Variants in ADAM23 observed in about 807,000 individuals in gnomAD.
ADAM23 encodes disintegrin and metalloproteinase domain-containing protein 23.
A neutral mutation model predicts 120.1 loss-of-function variants in ADAM23; 33 were observed. That is an observed-to-expected ratio of 0.27 (90% confidence interval 0.21 to 0.37). ADAM23 has a LOEUF of 0.37. Ranked by LOEUF, ADAM23 falls within the 10% of genes least tolerant of loss-of-function variation. ADAM23 has a pLI of 1.00. For synonymous variants in ADAM23, 367 were observed against 375.2 expected (o/e 0.98, Z 0.25); for missense variants, 862 against 1,058.2 (o/e 0.81, Z 2.57).
chr2:206,483,789 A>G (rs139184563), intron 3 of ADAM23, among the ~76,000 whole-genome samples: 15 of 152,300 alleles, frequency 9.8e-5, no homozygotes, highest in African/African-American at 1.7e-4. Context: ...AGCAGTTTCA[A>G]TGAAACTCTG....
intron 3 of ADAM23, among the ~76,000 whole-genome samples, chr2:206,483,670 C>G (rs916831731): frequency 1.3e-5 from 2 of 152,158 alleles, no homozygotes; most frequent in Admixed American, 6.5e-5. Context: ...ACAGTGTCAT[C>G]TGCAGTAGAG....
chr2:206,497,959 G>C (rs1325689624), intron 3 of ADAM23, among the ~76,000 whole-genome samples: 11 of 151,790 alleles, frequency 7.2e-5, no homozygotes, highest in South Asian at 2.1e-4. Context: ...ATGTGAAGGA[G>C]CTCTTCAAGA....
chr2:206,468,598 A>G (rs986234125), intron 2 of ADAM23, among the ~76,000 whole-genome samples: 1 of 152,176 alleles, frequency 6.6e-6, no homozygotes, highest in African/African-American at 2.4e-5. Flanking sequence ...ACTAGTCTCT[A>G]GGAAGTTCCA....
chr2:206,448,106 T>G (rs1346389970), intron 2 of ADAM23, among the ~76,000 whole-genome samples: 2 of 152,236 alleles, frequency 1.3e-5, no homozygotes, highest in Non-Finnish European at 2.9e-5. Context: ...AAATCTTTTT[T>G]ATCTGCATAG....
At chr2:206,539,762 A>G (rs1018929223) in intron 4 of ADAM23, among the ~76,000 whole-genome samples, 10 of 152,304 alleles carry the variant, frequency 6.6e-5, no homozygotes, top group Non-Finnish European at 1.3e-4. Context: ...TATATGAGAT[A>G]ACTCAAGATC....
At chr2:206,543,338 C>T in intron 6 of ADAM23, 22 bp downstream of exon 6, 1 of 1,590,778 alleles carries the variant, frequency 6.3e-7, no homozygotes, top group Non-Finnish European at 8.6e-7. Flanking sequence ...CCATCAGTTG[C>T]CTGATGGCGT....
Position 206,558,076 on chromosome 2 carries a change from G to A in ADAM23, c.1005+578G>A, listed in dbSNP as rs571887551. On this transcript the variant is annotated intron_variant, in intron 10 of 25. Transcript: ENST00000264377. Reference sequence around the variant, plus strand: ...TATCTCCTTACAAAGACTTCTAACTGTACAAATCTTCAATATTGATATGTT... The same window carrying A: ...TATCTCCTTACAAAGACTTCTAACTATACAAATCTTCAATATTGATATGTT... Among the ~76,000 whole-genome samples, 6 of 152,232 alleles carry A rather than the reference G, an allele frequency of 3.9e-5. No homozygotes were observed. The South Asian group carries it at 6.2e-4, about 16-fold the overall frequency.
In ADAM23 at chr2:206,619,473, G is replaced by A. The variant is rs117325639; in HGVS notation, c.*1846G>A. 2.6e-5 allele frequency: 4 copies of A among 151,646 alleles called. No homozygotes were observed. In the East Asian group the frequency reaches 7.8e-4, roughly 29 times the overall value. 9.4% of individuals were successfully genotyped at this position (151,646 alleles called of 1,614,324 possible). A position where few individuals can be genotyped will look rare whatever the true frequency, so the allele number is the denominator to read the frequency against. ...AGCATCCCTCTATAGATGGGCTTTA[G>A]TAAAGACTGTCCCAAAGAGCCCCTA... On this transcript the variant is annotated 3_prime_UTR_variant, in exon 26 of 26. Transcript: ENST00000264377.
chr2:206,580,489 T>G (rs1698201595), intron 18 of ADAM23, among the ~76,000 whole-genome samples: 1 of 152,186 alleles, frequency 6.6e-6, no homozygotes, highest in Middle Eastern at 3.2e-3. Context: ...TGATTTTTGT[T>G]TTTAATTCTG....
At chr2:206,573,454 T>G (rs188819009) in intron 18 of ADAM23, among the ~76,000 whole-genome samples, 12 of 152,302 alleles carry the variant, frequency 7.9e-5, no homozygotes, top group Admixed American at 5.2e-4. Flanking sequence ...TAAACAAAGT[T>G]TCTGTACATT....
At chr2:206,466,552 GA>G (rs1695545753) in intron 2 of ADAM23, among the ~76,000 whole-genome samples, 1 of 152,042 alleles carries the variant, frequency 6.6e-6, no homozygotes, top group Admixed American at 6.6e-5. Context: ...CATTTACTAG[GA>G]TTTTTTTATC....
At chr2:206,571,195 G>C (rs1697988338) in intron 16 of ADAM23, among the ~76,000 whole-genome samples, 1 of 152,220 alleles carries the variant, frequency 6.6e-6, no homozygotes, top group Admixed American at 6.5e-5. Context: ...AGCTTTCTCG[G>C]CCGGGCGCGG....
chr2:206,474,180 C>G (rs892547421), intron 2 of ADAM23, among the ~76,000 whole-genome samples: 1 of 152,062 alleles, frequency 6.6e-6, no homozygotes, highest in Admixed American at 6.5e-5. Flanking sequence ...TATTTTTCTC[C>G]TTCAAACTAC....
At chr2:206,513,015 T>A (rs1696657392) in intron 3 of ADAM23, among the ~76,000 whole-genome samples, 1 of 152,208 alleles carries the variant, frequency 6.6e-6, no homozygotes, top group Non-Finnish European at 1.5e-5. Flanking sequence ...GATAAATGTG[T>A]ATGTCCTGGC....
At chr2:206,537,500 C>T (rs954509712) in intron 4 of ADAM23, among the ~76,000 whole-genome samples, 1 of 152,146 alleles carries the variant, frequency 6.6e-6, no homozygotes, top group Non-Finnish European at 1.5e-5. Context: ...TATTTTCAGA[C>T]ACACGGGTCT....
chr2:206,543,137 G>A, intron 5 of ADAM23, 116 bp from the exon 6 acceptor site: 1 of 864,730 alleles, frequency 1.2e-6, no homozygotes, highest in Admixed American at 2.1e-5. Context: ...CAGTGTAAAG[G>A]GATTTGTTCA....
At chr2:206,587,259 T>G (rs1698340481) in intron 18 of ADAM23, 66 bp from the exon 19 acceptor site, 2 of 1,184,076 alleles carry the variant, frequency 1.7e-6, no homozygotes, top group African/African-American at 1.5e-5. Context: ...GCATTATATA[T>G]AGTATGTACA....
At chr2:206,557,395 T>G (rs536109571) in intron 9 of ADAM23, 32 bp from the exon 10 acceptor site, 1 of 1,523,664 alleles carries the variant, frequency 6.6e-7, no homozygotes, top group African/African-American at 1.4e-5. Context: ...CACTTATGAT[T>G]TGGCAGTGAC....
At chr2:206,608,282 G>T (rs926905517) in intron 24 of ADAM23, among the ~76,000 whole-genome samples, 17 of 152,286 alleles carry the variant, frequency 1.1e-4, no homozygotes, top group African/African-American at 3.8e-4. Context: ...TGCAAAAGCA[G>T]ACAGTGGGGC....
Sources: gnomAD v4.1 joint callset for allele counts (sites outside exome capture counted in the v4.1 genomes callset) on GRCh38, gnomAD v4.1.1 for gene constraint, MANE v1.5 for transcripts, NCBI Gene and HGNC (gene_info 2026-07-23, HGNC 2026-07-21) for gene names.